The following RABGAP1L variants were observed in gnomAD, a reference collection of about 807,000 sequenced individuals.
The protein encoded by RABGAP1L is rab GTPase-activating protein 1-like.
In RABGAP1L, 63 loss-of-function variants were observed where a neutral mutation model predicts 137.7. The observed-to-expected ratio is 0.46, with a 90% CI of 0.37 to 0.56. The LOEUF is 0.56. RABGAP1L is among the 20% of genes least tolerant of loss of function. The pLI is 0.00. For synonymous variants in RABGAP1L, 431 were observed against 433.7 expected (o/e 0.99, Z 0.08); for missense variants, 1,095 against 1,244.0 (o/e 0.88, Z 1.80).
intron 13 of RABGAP1L, among the ~76,000 whole-genome samples, chr1:174,550,206 G>T (rs1205648447): frequency 6.6e-6 from 1 of 152,112 alleles, no homozygotes; most frequent in East Asian, 1.9e-4. Flanking sequence ...GTCTCTAGCA[G>T]ATTTTTCTGA....
chr1:174,581,337 T>C (rs943611133), intron 13 of RABGAP1L, among the ~76,000 whole-genome samples: 6 of 152,198 alleles, frequency 3.9e-5, no homozygotes, highest in African/African-American at 1.4e-4. Context: ...TATAGTCATA[T>C]GAGGAATATT....
At chr1:174,677,567 C>T (rs1037161413) in intron 14 of RABGAP1L, among the ~76,000 whole-genome samples, 1 of 152,166 alleles carries the variant, frequency 6.6e-6, no homozygotes, top group African/African-American at 2.4e-5. Context: ...GTCCTAGTTT[C>T]GAACCTTTGC....
intron 3 of RABGAP1L, 95 bp downstream of exon 3, chr1:174,221,259 T>G (rs912602907): frequency 2.0e-6 from 2 of 1,008,274 alleles, no homozygotes; most frequent in African/African-American, 3.3e-5. Context: ...TTAGCTCTTC[T>G]CAAGCTTTCA....
chr1:174,737,281 GA>G (rs1044131253), intron 17 of RABGAP1L, among the ~76,000 whole-genome samples: 3 of 152,130 alleles, frequency 2.0e-5, no homozygotes, highest in Non-Finnish European at 1.5e-5. Context: ...TTGCTGCTTA[GA>G]AAATTTTTCC....
At chr1:174,217,521 T>C (rs558491614) in intron 1 of RABGAP1L, among the ~76,000 whole-genome samples, 32 of 152,286 alleles carry the variant, frequency 2.1e-4, no homozygotes, top group Admixed American at 1.0e-3. Context: ...ACTTGAAGGA[T>C]TGACCACAGA....
rs140229262 is a variant in RABGAP1L at position 174,540,052 on chromosome 1, A to C, written c.1711-97323A>C. Among the ~76,000 whole-genome samples, 103 of 152,344 alleles carry C rather than the reference A, an allele frequency of 6.8e-4. 1 individual carries two copies. Among genetic ancestry groups the C allele is most frequent in the African/African-American group, 2.3e-3 (95 of 41,574 alleles). On this transcript the variant is annotated intron_variant, in intron 13 of 25. Transcript: ENST00000681986. ...ATTTCTCTGATTGCCAGTGATGATA[A>C]GCATTTTTTCATGTGTCTTTTGGCT...
chr1:174,490,213 G>T (rs1660089328), intron 13 of RABGAP1L, among the ~76,000 whole-genome samples: 1 of 152,116 alleles, frequency 6.6e-6, no homozygotes, highest in Non-Finnish European at 1.5e-5. Flanking sequence ...GGGCTTATTT[G>T]TAACGGTCTT....
intron 18 of RABGAP1L, among the ~76,000 whole-genome samples, chr1:174,767,194 T>C (rs1377105078): frequency 6.6e-6 from 1 of 152,210 alleles, no homozygotes; most frequent in Non-Finnish European, 1.5e-5. Flanking sequence ...GCACATGTTT[T>C]CATGATCTGA....
At chr1:174,478,162 A>AT (rs58126974) in intron 13 of RABGAP1L, among the ~76,000 whole-genome samples, 4 of 152,176 alleles carry the variant, frequency 2.6e-5, no homozygotes, top group African/African-American at 9.6e-5. Flanking sequence ...TTTGAACTTT[A>AT]GTCCCCTCTG....
intron 11 of RABGAP1L, among the ~76,000 whole-genome samples, chr1:174,309,067 T>G (rs1181711559): frequency 6.6e-6 from 1 of 152,074 alleles, no homozygotes; most frequent in East Asian, 1.9e-4. Context: ...GTCTTATAGT[T>G]TTCAGTGGAG....
chr1:174,932,213 T>C (rs1663951591), intron 19 of RABGAP1L, among the ~76,000 whole-genome samples: 1 of 151,604 alleles, frequency 6.6e-6, no homozygotes, highest in African/African-American at 2.4e-5. Flanking sequence ...TCTAAGGTTT[T>C]CAAAGAGGGA....
chr1:174,404,576 A>G (rs1649037958), intron 13 of RABGAP1L, among the ~76,000 whole-genome samples: 1 of 152,202 alleles, frequency 6.6e-6, no homozygotes, highest in African/African-American at 2.4e-5. Flanking sequence ...TTAATTGGTC[A>G]TCTAGGGTTG....
intron 19 of RABGAP1L, among the ~76,000 whole-genome samples, chr1:174,900,974 G>A (rs994090543): frequency 4.6e-5 from 7 of 152,000 alleles, no homozygotes; most frequent in African/African-American, 1.4e-4. Flanking sequence ...CATATTTCTC[G>A]GAGGTTTTGT....
At chr1:174,576,779 A>G (rs1304900955) in intron 13 of RABGAP1L, among the ~76,000 whole-genome samples, 1 of 152,208 alleles carries the variant, frequency 6.6e-6, no homozygotes, top group African/African-American at 2.4e-5. Context: ...GACTGTGTAA[A>G]TTAATTCTAA....
intron 10 of RABGAP1L, among the ~76,000 whole-genome samples, chr1:174,279,236 A>T (rs1675276565): frequency 6.6e-6 from 1 of 152,178 alleles, no homozygotes; most frequent in South Asian, 2.1e-4. Context: ...CAGTGAGGTT[A>T]TAAAATTATT....
chr1:174,771,896 G>A (rs1686137839), intron 18 of RABGAP1L, among the ~76,000 whole-genome samples: 1 of 152,200 alleles, frequency 6.6e-6, no homozygotes, highest in Non-Finnish European at 1.5e-5. Context: ...GCTGTGCTAA[G>A]CACTTTAAAA....
At chr1:174,725,801 T>C (rs542412617) in intron 17 of RABGAP1L, among the ~76,000 whole-genome samples, 66 of 152,002 alleles carry the variant, frequency 4.3e-4, no homozygotes, top group Middle Eastern at 6.8e-3. Context: ...GTTTATGACA[T>C]TGGAAGTTAA....
chr1:174,886,043 T>C (rs1655061380), intron 19 of RABGAP1L, among the ~76,000 whole-genome samples: 1 of 151,682 alleles, frequency 6.6e-6, no homozygotes, highest in Admixed American at 6.6e-5. Flanking sequence ...GACAGAGTTT[T>C]GCTCTTGTTG....
rs368534434 is a variant in RABGAP1L, at chr1:174,963,607, A to G, written c.2434-5670A>G. Among the ~76,000 whole-genome samples, 5 of 151,684 alleles carry G rather than the reference A, an allele frequency of 3.3e-5. No individual in the cohort carries two copies. In the South Asian group the frequency reaches 6.2e-4, roughly 19 times the overall value. On this transcript the variant is annotated intron_variant, in intron 20 of 25. Coordinates refer to ENST00000681986, the MANE Select transcript of RABGAP1L (RefSeq NM_001366446.1). Reference sequence around the variant, plus strand: ...ACACTAATATGTTTCTATATCATCTAGAATGCATCTGCTTTTTGAAAATTT... The same window carrying G: ...ACACTAATATGTTTCTATATCATCTGGAATGCATCTGCTTTTTGAAAATTT...
Sources: allele counts gnomAD v4.1 joint callset (sites outside exome capture counted in the v4.1 genomes callset), GRCh38; gene constraint gnomAD v4.1.1; transcripts MANE v1.5; gene names NCBI Gene and HGNC (gene_info 2026-07-23, HGNC 2026-07-21).